The following FILIP1 variants were observed in gnomAD, a reference collection of about 807,000 sequenced individuals.
The protein encoded by FILIP1 is filamin-A-interacting protein 1.
In FILIP1, 61 loss-of-function variants were observed where a neutral mutation model predicts 102.1. The ratio of observed to expected loss-of-function variants is 0.60; its 90% CI spans 0.49 to 0.74. The LOEUF (loss-of-function observed/expected upper bound fraction) is 0.74. FILIP1 is among the 30% of genes least tolerant of loss of function. FILIP1 has a pLI of 0.00. For missense variants in FILIP1, 1,314 were observed against 1,441.2 expected (o/e 0.91, Z 1.43); for synonymous variants, 491 against 526.9 (o/e 0.93, Z 0.93).
intron 2 of FILIP1, among the ~76,000 whole-genome samples, chr6:75,364,682 G>T (rs968744970): frequency 2.0e-5 from 3 of 152,108 alleles, no homozygotes; most frequent in Admixed American, 6.6e-5. Context: ...TTTTGGAGAA[G>T]GACCTACACA....
At chr6:75,442,265 C>A (rs1778288673) in intron 1 of FILIP1, among the ~76,000 whole-genome samples, 3 of 151,630 alleles carry the variant, frequency 2.0e-5, no homozygotes, top group Admixed American at 2.0e-4. Context: ...TCCTCACTTT[C>A]CAGACTGGGC....
chr6:75,321,747 T>C lies in FILIP1; in HGVS notation c.630-6545A>G, dbSNP rs547122273. Among the ~76,000 whole-genome samples, 16 of 151,956 alleles carry C rather than the reference T, an allele frequency of 1.1e-4. No individual in the cohort carries two copies. In the East Asian group the frequency reaches 1.2e-3, roughly 11 times the overall value. The stretch of plus-strand genomic sequence containing the variant: ...AAGCGGAGCTTGCAGTGAGCCGAGA[T>C]TGCGCCACTGCAGTCCGCAGTCCGA... On this transcript the variant is annotated intron_variant, in intron 4 of 5. Coordinates refer to ENST00000237172, the MANE Select transcript of FILIP1 (RefSeq NM_015687.5).
intron 6 of FILIP1, among the ~76,000 whole-genome samples, chr6:75,302,845 T>TGATATGATAC: frequency 6.6e-6 from 1 of 151,992 alleles, no homozygotes; most frequent in South Asian, 2.1e-4. Flanking sequence ...TGATATGATA[T>TGATATGATAC]GATATGATAT....
intron 6 of FILIP1, among the ~76,000 whole-genome samples, chr6:75,296,224 G>C (rs1436257748): frequency 6.6e-6 from 1 of 151,870 alleles, no homozygotes; most frequent in African/African-American, 2.4e-5. Context: ...TGAAAACAAA[G>C]ATAGTAATTA....
At chr6:75,388,010 T>C (rs1160325890) in intron 2 of FILIP1, among the ~76,000 whole-genome samples, 1 of 152,196 alleles carries the variant, frequency 6.6e-6, no homozygotes, top group Non-Finnish European at 1.5e-5. Flanking sequence ...GTTTTTATGG[T>C]TTTAGATCTT....
At chr6:75,441,954 G>A (rs550830923) in intron 1 of FILIP1, among the ~76,000 whole-genome samples, 13 of 151,388 alleles carry the variant, frequency 8.6e-5, no homozygotes, top group East Asian at 7.9e-4. Flanking sequence ...CCTCCCTCCC[G>A]GACGGGGTGG....
intron 1 of FILIP1, among the ~76,000 whole-genome samples, chr6:75,490,253 T>G (rs1159281538): frequency 6.6e-6 from 1 of 152,076 alleles, no homozygotes; most frequent in Non-Finnish European, 1.5e-5. Context: ...TTACTGAATA[T>G]CCACTTAAAA....
intron 1 of FILIP1, among the ~76,000 whole-genome samples, chr6:75,482,059 T>C (rs1033108789): frequency 2.6e-4 from 39 of 152,272 alleles, no homozygotes; most frequent in African/African-American, 7.5e-4. Context: ...TTTCATCTGG[T>C]TTTCCCCCTT....
intron 2 of FILIP1, among the ~76,000 whole-genome samples, chr6:75,383,006 G>C (rs1420110755): frequency 6.6e-6 from 1 of 152,164 alleles, no homozygotes; most frequent in South Asian, 2.1e-4. Flanking sequence ...TTTTCATATA[G>C]ATCTAAAACA....
At chr6:75,330,399 C>T (rs1318631656) in intron 4 of FILIP1, among the ~76,000 whole-genome samples, 1 of 152,080 alleles carries the variant, frequency 6.6e-6, no homozygotes, top group East Asian at 1.9e-4. Flanking sequence ...CCCTCGTACA[C>T]TTTTTTTCTC....
Position 75,312,404 on chromosome 6 carries a change from T to C in FILIP1, c.3428A>G (p.Gln1143Arg). 2 of 1,613,182 alleles carry C rather than the reference T, an allele frequency of 1.2e-6. No homozygotes were observed. The highest frequency in any genetic ancestry group is 1.7e-6 in the Non-Finnish European group (2 of 1,179,460). Residue 1143 changes from glutamine to arginine, a missense_variant, in exon 5 of 6, where the codon CAG (glutamine) becomes CGG (arginine). By Grantham distance (43) the Gln-to-Arg change is conservative. Transcript: ENST00000237172. ...GGAGCCTCTTCTACTCACCACTGAC[T>C]GGGTTCCTCGAGCAGATGACGTTGT... ...PVTTSSARGT[Q>R]SVSGQDGSSQ...
chr6:75,299,688 T>G (rs1351233772), intron 6 of FILIP1, among the ~76,000 whole-genome samples: 1 of 152,156 alleles, frequency 6.6e-6, no homozygotes, highest in Non-Finnish European at 1.5e-5. Flanking sequence ...AGGTAACACA[T>G]TAAATGCATT....
At chr6:75,475,919 T>C (rs759337605) in intron 1 of FILIP1, among the ~76,000 whole-genome samples, 13 of 152,190 alleles carry the variant, frequency 8.5e-5, no homozygotes, top group Admixed American at 2.6e-4. Context: ...ACTTTCTTTC[T>C]AGAGCCAATA....
chr6:75,309,363 G>A (rs1353235836), intron 5 of FILIP1, among the ~76,000 whole-genome samples: 1 of 152,024 alleles, frequency 6.6e-6, no homozygotes, highest in East Asian at 1.9e-4. Context: ...CCTTTTTAAA[G>A]TGCTCCTAAC....
intron 4 of FILIP1, among the ~76,000 whole-genome samples, chr6:75,338,880 G>A (rs1223411241): frequency 6.6e-6 from 1 of 152,100 alleles, no homozygotes; most frequent in East Asian, 1.9e-4. Context: ...TGTTGGAAAT[G>A]TTCACTTTTA....
chr6:75,485,859 A>T (rs1226317443), intron 1 of FILIP1, among the ~76,000 whole-genome samples: 1 of 152,040 alleles, frequency 6.6e-6, no homozygotes, highest in East Asian at 1.9e-4. Context: ...TTGAAGGAAC[A>T]TCATGCTGCC....
At chr6:75,445,760 T>G (rs1778426670) in intron 1 of FILIP1, among the ~76,000 whole-genome samples, 4 of 151,396 alleles carry the variant, frequency 2.6e-5, no homozygotes, top group Admixed American at 2.6e-4. Flanking sequence ...GTCATAAGAC[T>G]GTGCTTGTTA....
At chr6:75,467,518 C>A (rs879922912) in intron 1 of FILIP1, among the ~76,000 whole-genome samples, 2 of 152,202 alleles carry the variant, frequency 1.3e-5, no homozygotes, top group Non-Finnish European at 2.9e-5. Context: ...GCAGCATACA[C>A]AACCATAAAT....
In FILIP1 at chr6:75,370,894, G is replaced by C. The variant is rs184260597; in HGVS notation, c.277-7977C>G. On this transcript the variant is annotated intron_variant, in intron 2 of 5. Coordinates refer to ENST00000237172, the MANE Select transcript of FILIP1 (RefSeq NM_015687.5). Reference sequence around the variant, plus strand: ...GCCCAGCCCACTTTCTTCTTTTTAAGTTTATTCCAAAAAGAAAATATGTAA... The same window carrying C: ...GCCCAGCCCACTTTCTTCTTTTTAACTTTATTCCAAAAAGAAAATATGTAA... Among the ~76,000 whole-genome samples, 545 of 152,020 alleles carry C rather than the reference G, an allele frequency of 3.6e-3. 2 individuals are homozygous for C. Among genetic ancestry groups the C allele is most frequent in the Non-Finnish European group, 6.4e-3 (432 of 67,942 alleles).
Sources: gnomAD v4.1 joint callset for allele counts (sites outside exome capture counted in the v4.1 genomes callset) on GRCh38, gnomAD v4.1.1 for gene constraint, MANE v1.5 for transcripts, NCBI Gene and HGNC (gene_info 2026-07-23, HGNC 2026-07-21) for gene names.